LUZP2: variants seen among roughly 807,000 people sequenced by gnomAD.
LUZP2 encodes the protein leucine zipper protein 2.
Under a neutral mutation model 51.6 loss-of-function variants are expected in LUZP2, and 52 were observed. That is an observed-to-expected ratio of 1.01 (90% CI 0.81 to 1.27). The LOEUF is 1.27. LUZP2 is among the 50% of genes most tolerant of loss of function. The pLI is 0.00. For missense variants in LUZP2, 436 were observed against 395.4 expected (o/e 1.10, Z -0.87); for synonymous variants, 154 against 137.3 (o/e 1.12, Z -0.85).
intron 5 of LUZP2, among the ~76,000 whole-genome samples, chr11:24,836,152 A>G (rs1850854195): frequency 6.6e-6 from 1 of 152,022 alleles, no homozygotes; most frequent in South Asian, 2.1e-4. Flanking sequence ...TCTCATTAGC[A>G]CATGTACAGT....
At chr11:25,069,017 A>G (rs1270650574) in intron 10 of LUZP2, among the ~76,000 whole-genome samples, 2 of 152,004 alleles carry the variant, frequency 1.3e-5, no homozygotes, top group Non-Finnish European at 2.9e-5. Flanking sequence ...TGGATAATAC[A>G]GCTCACTGAT....
chr11:24,558,857 A>G (rs1274294357), intron 1 of LUZP2, among the ~76,000 whole-genome samples: 1 of 152,166 alleles, frequency 6.6e-6, no homozygotes, highest in Non-Finnish European at 1.5e-5. Flanking sequence ...CCCTCACTAG[A>G]CATTGAATCT....
chr11:24,566,833 A>G (rs1590188730), intron 1 of LUZP2, among the ~76,000 whole-genome samples: 1 of 145,680 alleles, frequency 6.9e-6, no homozygotes, highest in Non-Finnish European at 1.5e-5. Context: ...ATACATATTT[A>G]TATATAAGGT....
chr11:24,706,614 A>AG, intron 1 of LUZP2, among the ~76,000 whole-genome samples: 1 of 152,300 alleles, frequency 6.6e-6, no homozygotes, highest in Admixed American at 6.5e-5. Context: ...AATGGCTGTC[A>AG]GAATTGATGG....
chr11:24,755,006 C>CTAA (rs1297835396), intron 4 of LUZP2, among the ~76,000 whole-genome samples: 1 of 151,918 alleles, frequency 6.6e-6, no homozygotes, highest in Non-Finnish European at 1.5e-5. Flanking sequence ...TTTAGCTGGG[C>CTAA]ATAGTGGCGG....
intron 11 of LUZP2, among the ~76,000 whole-genome samples, chr11:25,078,201 A>G (rs770239243): frequency 6.6e-5 from 10 of 152,220 alleles, no homozygotes; most frequent in Non-Finnish European, 1.2e-4. Context: ...GACCAAAAAT[A>G]TTGTATCATT....
intron 5 of LUZP2, among the ~76,000 whole-genome samples, chr11:24,778,080 C>G (rs1158682482): frequency 2.0e-5 from 3 of 151,890 alleles, no homozygotes; most frequent in Non-Finnish European, 2.9e-5. Context: ...TGAGAGTTCT[C>G]AAAATGGTGC....
intron 1 of LUZP2, among the ~76,000 whole-genome samples, chr11:24,551,608 ATT>A (rs1245755878): frequency 3.3e-5 from 5 of 152,160 alleles, no homozygotes. Flanking sequence ...TATTTCAAAA[ATT>A]TTTTTAAAAA....
At chr11:24,517,282 G>A (rs978287753) in intron 1 of LUZP2, among the ~76,000 whole-genome samples, 1 of 151,518 alleles carries the variant, frequency 6.6e-6, no homozygotes, top group Non-Finnish European at 1.5e-5. Context: ...TCAGGAGATC[G>A]AGACCATCCT....
At chr11:24,677,818 G>A (rs1856613697) in intron 1 of LUZP2, among the ~76,000 whole-genome samples, 1 of 152,132 alleles carries the variant, frequency 6.6e-6, no homozygotes, top group Non-Finnish European at 1.5e-5. Flanking sequence ...GGGAGGCCGA[G>A]GCGGGCCGAT....
At chr11:24,842,845 A>G (rs1022628372) in intron 5 of LUZP2, among the ~76,000 whole-genome samples, 1 of 151,960 alleles carries the variant, frequency 6.6e-6, no homozygotes, top group Non-Finnish European at 1.5e-5. Context: ...CTAAATTATT[A>G]ATGATCCAAA....
In LUZP2 at chr11:24,679,663, A is replaced by T. The variant is rs771071964; in HGVS notation, c.63-49506A>T. On this transcript the variant is annotated intron_variant, in intron 1 of 11. Coordinates refer to ENST00000336930, the MANE Select transcript of LUZP2 (RefSeq NM_001009909.4). ...TCATTCTCATTCCTTTTCAAGTGAC[A>T]CAATAGTTAGAATTTGTCCCCTACC... Among the ~76,000 whole-genome samples, 54 of 152,154 alleles carry T rather than the reference A, an allele frequency of 3.5e-4. 1 individual carries two copies. The highest frequency in any genetic ancestry group is 6.9e-4 in the Non-Finnish European group (47 of 68,042).
chr11:24,672,993 C>A (rs1439738556), intron 1 of LUZP2, among the ~76,000 whole-genome samples: 2 of 152,138 alleles, frequency 1.3e-5, no homozygotes, highest in Non-Finnish European at 2.9e-5. Flanking sequence ...GTGAATGGCA[C>A]ATGCAAGGGA....
At chr11:24,840,987 T>C (rs1851010533) in intron 5 of LUZP2, among the ~76,000 whole-genome samples, 1 of 152,052 alleles carries the variant, frequency 6.6e-6, no homozygotes, top group South Asian at 2.1e-4. Flanking sequence ...TATTTAAAAT[T>C]AATCATTGAA....
chr11:24,549,321 A>G (rs1038344608), intron 1 of LUZP2, among the ~76,000 whole-genome samples: 1 of 152,068 alleles, frequency 6.6e-6, no homozygotes, highest in African/African-American at 2.4e-5. Context: ...GTCTTGTCCT[A>G]CTGGAAGGTC....
At chr11:24,595,457 G>T (rs1233547291) in intron 1 of LUZP2, among the ~76,000 whole-genome samples, 1 of 152,066 alleles carries the variant, frequency 6.6e-6, no homozygotes, top group Non-Finnish European at 1.5e-5. Flanking sequence ...CATTCTCTTC[G>T]GGGGCAAAGC....
Position 24,530,193 on chromosome 11 carries a change from G to A in LUZP2, c.62+32888G>A, listed in dbSNP as rs769627477. ...AATACCCAAAAATTTTAAATGCAAT[G>A]TACATGATTATGAATTCACTGAGGA... On this transcript the variant is annotated intron_variant, in intron 1 of 11. Transcript: ENST00000336930. 2.0e-5 allele frequency among the ~76,000 whole-genome samples: 3 copies of A among 150,726 alleles called. No homozygotes were observed. In the East Asian group the frequency reaches 5.8e-4, roughly 29 times the overall value.
chr11:24,974,706 A>AT (rs1855836589), intron 7 of LUZP2, among the ~76,000 whole-genome samples: 1 of 152,050 alleles, frequency 6.6e-6, no homozygotes, highest in Admixed American at 6.6e-5. Context: ...GATTAAATAA[A>AT]TTTTACCAGA....
chr11:25,044,873 G>A (rs775992200), intron 9 of LUZP2, among the ~76,000 whole-genome samples: 4 of 151,982 alleles, frequency 2.6e-5, no homozygotes, highest in Non-Finnish European at 5.9e-5. Flanking sequence ...GGAATACTAT[G>A]CAGCCATGAA....
Sources: gnomAD v4.1 joint callset for allele counts (sites outside exome capture counted in the v4.1 genomes callset) on GRCh38, gnomAD v4.1.1 for gene constraint, MANE v1.5 for transcripts, NCBI Gene and HGNC (gene_info 2026-07-23, HGNC 2026-07-21) for gene names.